The following ZNF585B variants were observed in gnomAD, a reference collection of about 807,000 sequenced individuals.
The protein encoded by ZNF585B is zinc finger protein 41-like protein.
Under a neutral mutation model 14.0 loss-of-function variants are expected in ZNF585B, and 7 were observed. The observed-to-expected ratio is 0.50, with a 90% CI of 0.28 to 0.94. The LOEUF is 0.94. Ranked by LOEUF, ZNF585B falls within the 40% of genes least tolerant of loss-of-function variation. The pLI is 0.09. For synonymous variants in ZNF585B, 290 were observed against 317.3 expected (o/e 0.91, Z 0.91); for missense variants, 750 against 924.4 (o/e 0.81, Z 2.45).
At position 37,184,428 on chromosome 19, in the gene ZNF585B, A is replaced by AAGAAAGAAAGAG. The variant is rs59685400; in HGVS notation, c.*798_*799insCTCTTTCTTTCT. On this transcript the variant is annotated 3_prime_UTR_variant, in exon 5 of 5. Transcript: ENST00000532828. ...AGAAAGAAAGAAAGAGAAAGAAAGA[A>AAGAAAGAAAGAG]AAAGAAAGAAAGAAGGAAAGAAAGA... 2.9e-4 allele frequency: 15 copies of AAGAAAGAAAGAG among 52,466 alleles called. 1 individual carries two copies. Among genetic ancestry groups the AAGAAAGAAAGAG allele is most frequent in the East Asian group, 2.6e-3 (6 of 2,328 alleles). The allele number at this position is 52,466 out of a possible 1,614,324, so 3.3% of individuals were successfully genotyped here.
intron 2 of ZNF585B, chr19:37,199,530 C>T (rs1197728621): frequency 2.2e-6 from 1 of 446,808 alleles, no homozygotes; most frequent in Non-Finnish European, 4.5e-6. Flanking sequence ...TTTCAAAAAA[C>T]AATTAAAATA....
Position 37,185,296 on chromosome 19 carries a change from C to T in ZNF585B, c.2241G>A (p.Lys747=), listed in dbSNP as rs547470601. The T allele has an allele frequency of 8.4e-5, 135 of 1,614,040 alleles. No homozygotes were observed. The highest frequency in any genetic ancestry group is 1.2e-4 in the African/African-American group (9 of 74,916). Residue 747 remains lysine (K), a synonymous_variant, in exon 5 of 5, where the codon AAG becomes AAA. Transcript: ENST00000532828. ...CGAAGCCTTTCCCACAGATGCCACACTTGTAGGGTTTGTCTCCAGTGTGTG... is the reference window on the plus strand; with the variant it reads ...CGAAGCCTTTCCCACAGATGCCACATTTGTAGGGTTTGTCTCCAGTGTGTG... ...QTTHTGDKPY[K]CGICGKGFVQ...
In ZNF585B at chr19:37,184,438, AAGAAGGAAAG is replaced by A. The variant is rs1972301564; in HGVS notation, c.*779_*788del. 1.3e-5 allele frequency: 1 copy of A among 76,978 alleles called. No individual in the cohort carries two copies. The highest frequency in any genetic ancestry group is 3.7e-4 in the East Asian group (1 of 2,718). The allele number at this position is 76,978 out of a possible 1,614,324, so 4.8% of individuals were successfully genotyped here. A position where few individuals can be genotyped will look rare whatever the true frequency, so the allele number is the denominator to read the frequency against. On this transcript the variant is annotated 3_prime_UTR_variant, in exon 5 of 5. Coordinates refer to ENST00000532828, the MANE Select transcript of ZNF585B (RefSeq NM_152279.4). ...AAAGAGAAAGAAAGAAAAAGAAAGA[AAGAAGGAAAG>A]AAAGAAAGAAAGAAAGAAAGAAAGA...
Position 37,186,832 on chromosome 19 carries a change from A to C in ZNF585B, c.705T>G (p.Ile235Met), listed in dbSNP as rs1972340712. The C allele has an allele frequency of 6.2e-7, 1 of 1,613,860 alleles. No homozygotes were observed. Among genetic ancestry groups the C allele is most frequent in the African/African-American group, 1.3e-5 (1 of 74,902 alleles). ...ATTCATGGTGTCTCTCTCCAGTATG[A>C]ATTTTCTCATGTATACTGAGATCTG... ...YNSDLSIHEKIHTGERHHECT... is the reference protein window; with the variant it reads ...YNSDLSIHEKMHTGERHHECT... The change falls in exon 5 of 5, where the codon ATT (isoleucine) becomes ATG (methionine). Residue 235 changes from isoleucine (I) to methionine (M), a missense_variant. By Grantham distance (10) the Ile-to-Met change is conservative. Transcript: ENST00000532828.
intron 4 of ZNF585B, among the ~76,000 whole-genome samples, chr19:37,188,212 C>G: frequency 6.6e-6 from 1 of 152,148 alleles, no homozygotes; most frequent in Non-Finnish European, 1.5e-5. Context: ...CAAGCCCGGG[C>G]ATGGTGCCTC....
At chr19:37,189,181 AC>A (rs1431323501) in intron 4 of ZNF585B, among the ~76,000 whole-genome samples, 3 of 151,988 alleles carry the variant, frequency 2.0e-5, no homozygotes, top group Non-Finnish European at 4.4e-5. Context: ...CAAGAGATAC[AC>A]CCACCTTGGC....
chr19:37,197,753 T>C (rs890194050), intron 2 of ZNF585B, among the ~76,000 whole-genome samples: 3 of 152,212 alleles, frequency 2.0e-5, no homozygotes, highest in Non-Finnish European at 4.4e-5. Context: ...ATTTTTTTCA[T>C]GTGTCTGTTG....
chr19:37,191,305 C>T (rs372576783), intron 2 of ZNF585B, among the ~76,000 whole-genome samples: 165 of 152,126 alleles, frequency 1.1e-3, no homozygotes, highest in African/African-American at 3.5e-3. Context: ...CAGTGGCTCA[C>T]GCCTGTAATC....
At position 37,186,940 on chromosome 19, in the gene ZNF585B, C is replaced by G; in HGVS notation, c.597G>C (p.Ser199=). 1 of 1,613,842 alleles carries G rather than the reference C, an allele frequency of 6.2e-7. No individual in the cohort carries two copies. Residue 199 remains serine (S), a synonymous_variant, in exon 5 of 5, where the codon TCG becomes TCC. Transcript: ENST00000532828. ...GAATTCTGTGATGCCTGAAAAGAGA[C>G]GATACTTGAAAAAAGGATTTTCCAC... The part of the protein sequence containing the change: ...NECGKSFFQV[S]SLFRHHRIHT...
rs1430862845 is a variant in ZNF585B, at chr19:37,204,991, G to A, written c.72+2049C>T. On this transcript the variant is annotated intron_variant, in intron 2 of 4. Transcript: ENST00000532828. ...TCGAACTCCTGACCTCAGGCAATCT[G>A]CCTGCCTCAGCCTCCCAAAGTGCTG... Among the ~76,000 whole-genome samples, 3 of 151,378 alleles carry A rather than the reference G, an allele frequency of 2.0e-5. No individual in the cohort carries two copies. The East Asian group carries it at 5.9e-4, about 30-fold the overall frequency.
chr19:37,186,209 C>G lies in ZNF585B; in HGVS notation c.1328G>C (p.Cys443Ser), dbSNP rs760402823. 10 of 1,614,044 alleles carry G rather than the reference C, an allele frequency of 6.2e-6. No homozygotes were observed. The highest frequency in any genetic ancestry group is 3.3e-5 in the South Asian group (3 of 91,074). Reference sequence around the variant, plus strand: ...TGACTTGGAAGTAAACAATTTCCCACAGTGACCACATTTATAAGGTTTCTC... The same window carrying G: ...TGACTTGGAAGTAAACAATTTCCCAGAGTGACCACATTTATAAGGTTTCTC... Reference protein sequence around the residue: ...TGEKPYKCGHCGKLFTSKSQL... With the variant: ...TGEKPYKCGHSGKLFTSKSQL... Residue 443 changes from cysteine (C) to serine (S), a missense_variant, in exon 5 of 5, where the codon TGT (cysteine) becomes TCT (serine). By Grantham distance (112) the Cys-to-Ser change is moderately radical. This residue lies in a region of ZNF585B where 517 missense variants were observed against 570.3 expected (regional missense o/e 0.91). Coordinates refer to ENST00000532828, the MANE Select transcript of ZNF585B (RefSeq NM_152279.4).
In ZNF585B at chr19:37,186,082, C is replaced by T; in HGVS notation, c.1455G>A (p.Gln485=). The T allele has an allele frequency of 6.2e-7, 1 of 1,613,960 alleles. No homozygotes were observed. Among genetic ancestry groups the T allele is most frequent in the East Asian group, 2.2e-5 (1 of 44,860 alleles). ...AAGATTTCTCTCCTGTATGAGTTTT[C>T]TGATGTGTAATGAGATTTGACCGGT... ...FTNRSNLITH[Q]KTHTGEKSYI... is the part of the protein sequence containing the mutation. The change falls in exon 5 of 5, where the codon CAG becomes CAA. Residue 485 remains glutamine (Q), a synonymous_variant. Transcript: ENST00000532828.
intron 2 of ZNF585B, among the ~76,000 whole-genome samples, chr19:37,206,539 G>T (rs1019730153): frequency 7.2e-5 from 11 of 152,026 alleles, no homozygotes; most frequent in African/African-American, 2.7e-4. Flanking sequence ...GTAATGAGAA[G>T]CTCAATAGAA....
chr19:37,187,934 T>A (rs1423677688), intron 4 of ZNF585B, among the ~76,000 whole-genome samples: 2 of 152,094 alleles, frequency 1.3e-5, no homozygotes. Flanking sequence ...ATAATAAGAT[T>A]TATATAAACT....
At position 37,184,428 on chromosome 19, in the gene ZNF585B, A is replaced by AGAGAGAG. The variant is rs1488260008; in HGVS notation, c.*798_*799insCTCTCTC. The AGAGAGAG allele has an allele frequency of 9.5e-5, 5 of 52,464 alleles. 1 individual carries two copies. The East Asian group carries it at 2.1e-3, about 23-fold the overall frequency. 3.2% of individuals were successfully genotyped at this position (52,464 alleles called of 1,614,324 possible). A position where few individuals can be genotyped will look rare whatever the true frequency, so the allele number is the denominator to read the frequency against. ...AGAAAGAAAGAAAGAGAAAGAAAGA[A>AGAGAGAG]AAAGAAAGAAAGAAGGAAAGAAAGA... is the stretch of plus-strand genomic sequence containing the variant. On this transcript the variant is annotated 3_prime_UTR_variant, in exon 5 of 5. Coordinates refer to ENST00000532828, the MANE Select transcript of ZNF585B (RefSeq NM_152279.4).
Position 37,185,169 on chromosome 19 carries a change from C to T in ZNF585B, c.*58G>A, listed in dbSNP as rs1416062346. The T allele has an allele frequency of 8.1e-5, 121 of 1,489,588 alleles. No homozygotes were observed. The highest frequency in any genetic ancestry group is 8.6e-5 in the Non-Finnish European group (95 of 1,105,188). 92.3% of individuals were successfully genotyped at this position (1,489,588 alleles called of 1,614,324 possible). On this transcript the variant is annotated 3_prime_UTR_variant, in exon 5 of 5. Coordinates refer to ENST00000532828, the MANE Select transcript of ZNF585B (RefSeq NM_152279.4). ...AATATACATATTTTTCTGCTGCATG[C>T]GTGCAACAGTGTACAATCAGACCCA...
At position 37,183,727 on chromosome 19, in the gene ZNF585B, T is replaced by C. The variant is rs1378256639; in HGVS notation, c.*1500A>G. The C allele has an allele frequency of 6.6e-6, 1 of 152,180 alleles. No homozygotes were observed. Among genetic ancestry groups the C allele is most frequent in the Non-Finnish European group, 1.5e-5 (1 of 68,012 alleles). The allele number at this position is 152,180 out of a possible 1,614,324, so 9.4% of individuals were successfully genotyped here. A position where few individuals can be genotyped will look rare whatever the true frequency, so the allele number is the denominator to read the frequency against. Reference sequence around the variant, plus strand: ...TGAGGCACATGGCGGGGAAGGTCCTTGTGGGGTGCGTGGGACGAAGATGGA... The same window carrying C: ...TGAGGCACATGGCGGGGAAGGTCCTCGTGGGGTGCGTGGGACGAAGATGGA... On this transcript the variant is annotated 3_prime_UTR_variant, in exon 5 of 5. Transcript: ENST00000532828.
Position 37,184,416 on chromosome 19 carries a change from G to GAAAGAAAGAA in ZNF585B, c.*810_*811insTTCTTTCTTT, listed in dbSNP as rs60442183. The GAAAGAAAGAA allele has an allele frequency of 1.5e-3, 99 of 67,954 alleles. 6 individuals carry two copies. In the East Asian group the frequency reaches 0.015, roughly 10 times the overall value. The allele number at this position is 67,954 out of a possible 1,614,324, so 4.2% of individuals were successfully genotyped here. A position where few individuals can be genotyped will look rare whatever the true frequency, so the allele number is the denominator to read the frequency against. The stretch of plus-strand genomic sequence containing the variant: ...AGAAAGAAAGAAAGAAAGAAAGAAA[G>GAAAGAAAGAA]AGAAAGAAAGAAAAAGAAAGAAAGA... On this transcript the variant is annotated 3_prime_UTR_variant, in exon 5 of 5. Coordinates refer to ENST00000532828, the MANE Select transcript of ZNF585B (RefSeq NM_152279.4).
rs776333157 is a variant in ZNF585B, at chr19:37,183,461, T to C, written c.*1766A>G. 6.6e-6 allele frequency: 1 copy of C among 152,098 alleles called. No individual in the cohort carries two copies. Among genetic ancestry groups the C allele is most frequent in the Non-Finnish European group, 1.5e-5 (1 of 68,032 alleles). The allele number at this position is 152,098 out of a possible 1,614,324, so 9.4% of individuals were successfully genotyped here. A position where few individuals can be genotyped will look rare whatever the true frequency, so the allele number is the denominator to read the frequency against. On this transcript the variant is annotated 3_prime_UTR_variant, in exon 5 of 5. Transcript: ENST00000532828. ...TGGTGAACAAAAGGGAAATATTTTC[T>C]AGTGTAGAAGCCACAGAGAAATGAG...
Sources: allele counts gnomAD v4.1 joint callset (sites outside exome capture counted in the v4.1 genomes callset), GRCh38; gene constraint gnomAD v4.1.1; regional missense constraint gnomAD v4.1.1; transcripts MANE v1.5; gene names NCBI Gene and HGNC (gene_info 2026-07-23, HGNC 2026-07-21).